Variants in GPC5 observed in about 807,000 individuals in gnomAD.
GPC5 encodes the protein glypican-5.
In GPC5, 47 loss-of-function variants were observed where a neutral mutation model predicts 53.9. That is an observed-to-expected ratio of 0.87 (90% confidence interval 0.69 to 1.11). The LOEUF (loss-of-function observed/expected upper bound fraction) is 1.11. Among genes scored for constraint, GPC5 ranks in the 50% most tolerant of loss-of-function variants. GPC5 has a pLI of 0.00. For synonymous variants in GPC5, 286 were observed against 263.3 expected (o/e 1.09, Z -0.84); for missense variants, 748 against 713.1 (o/e 1.05, Z -0.56).
Position 92,381,859 on chromosome 13 carries a change from T to TATATATA in GPC5, c.1561+236870_1561+236871insATATATA. On this transcript the variant is annotated intron_variant, in intron 7 of 7. Coordinates refer to ENST00000377067, the MANE Select transcript of GPC5 (RefSeq NM_004466.6). ...TTATATTGTATATGATCATATATGA[T>TATATATA]TATATATATCATATATATGATTATA... 2.2e-5 allele frequency among the ~76,000 whole-genome samples: 3 copies of TATATATA among 135,572 alleles called. No homozygotes were observed. In the South Asian group the frequency reaches 6.6e-4, roughly 30 times the overall value. 88.9% of individuals were successfully genotyped at this position (135,572 alleles called of 152,430 possible). A position where few individuals can be genotyped will look rare whatever the true frequency, so the allele number is the denominator to read the frequency against.
intron 6 of GPC5, among the ~76,000 whole-genome samples, chr13:92,054,850 A>C (rs2041061759): frequency 6.6e-6 from 1 of 152,172 alleles, no homozygotes; most frequent in Admixed American, 6.5e-5. Flanking sequence ...CCCCAGGATT[A>C]AAGGAAAATA....
intron 7 of GPC5, among the ~76,000 whole-genome samples, chr13:92,414,918 T>C (rs1257139950): frequency 1.3e-5 from 2 of 152,118 alleles, no homozygotes; most frequent in Non-Finnish European, 2.9e-5. Context: ...CCTTATCACA[T>C]TGGGGATTAA....
At chr13:92,039,532 T>G (rs1224904822) in intron 6 of GPC5, among the ~76,000 whole-genome samples, 1 of 152,170 alleles carries the variant, frequency 6.6e-6, no homozygotes, top group African/African-American at 2.4e-5. Context: ...TTCAAGAAAA[T>G]CTACTAAGTT....
intron 7 of GPC5, among the ~76,000 whole-genome samples, chr13:92,206,168 T>TG (rs2042334979): frequency 8.4e-5 from 1 of 11,956 alleles, no homozygotes; most frequent in African/African-American, 4.3e-4. Flanking sequence ...TTTTTTTTTA[T>TG]TTTTTTTTTT....
intron 7 of GPC5, among the ~76,000 whole-genome samples, chr13:92,205,997 G>A (rs1191229867): frequency 5.5e-5 from 7 of 128,128 alleles, no homozygotes; most frequent in South Asian, 2.6e-4. Flanking sequence ...AGCAGAGATC[G>A]CACCACTGCA....
intron 7 of GPC5, among the ~76,000 whole-genome samples, chr13:92,774,602 G>T (rs1354588184): frequency 6.6e-6 from 1 of 152,086 alleles, no homozygotes; most frequent in Non-Finnish European, 1.5e-5. Flanking sequence ...ATCACTAAAT[G>T]ATGCACTTTT....
chr13:92,013,778 A>T (rs577296745), intron 6 of GPC5, among the ~76,000 whole-genome samples: 6 of 152,248 alleles, frequency 3.9e-5, no homozygotes, highest in African/African-American at 1.4e-4. Context: ...TTTTTATTCA[A>T]ATATTTATCT....
chr13:92,504,598 T>C (rs769919084), intron 7 of GPC5, among the ~76,000 whole-genome samples: 4 of 151,980 alleles, frequency 2.6e-5, no homozygotes, highest in Non-Finnish European at 5.9e-5. Flanking sequence ...CAAAAAATTG[T>C]TTAGTAATCA....
At chr13:92,361,990 A>G (rs1254958898) in intron 7 of GPC5, among the ~76,000 whole-genome samples, 2 of 151,828 alleles carry the variant, frequency 1.3e-5, no homozygotes, top group African/African-American at 4.9e-5. Context: ...TCTTAGGCAC[A>G]TTTAAAAAAA....
chr13:91,950,351 C>T (rs2040016057), intron 6 of GPC5, among the ~76,000 whole-genome samples: 1 of 148,568 alleles, frequency 6.7e-6, no homozygotes, highest in African/African-American at 2.5e-5. Flanking sequence ...TCCCCTCCCT[C>T]CTCCTCCCTC....
chr13:91,817,743 TG>T (rs1332316853), intron 5 of GPC5, among the ~76,000 whole-genome samples: 1 of 152,196 alleles, frequency 6.6e-6, no homozygotes, highest in East Asian at 1.9e-4. Context: ...CCAATAGGAC[TG>T]TGGACTGGTT....
chr13:92,416,416 G>T (rs951923891), intron 7 of GPC5, among the ~76,000 whole-genome samples: 3 of 152,152 alleles, frequency 2.0e-5, no homozygotes, highest in Non-Finnish European at 4.4e-5. Context: ...GAGAATTGAT[G>T]CTTCAATTTG....
chr13:92,712,505 G>C (rs1888174817), intron 7 of GPC5, among the ~76,000 whole-genome samples: 1 of 151,156 alleles, frequency 6.6e-6, no homozygotes, highest in African/African-American at 2.4e-5. Context: ...AGCCAGTAAA[G>C]ACTTTGGCAC....
chr13:92,610,030 C>CAAAAA (rs56913637), intron 7 of GPC5, among the ~76,000 whole-genome samples: 23 of 70,802 alleles, frequency 3.2e-4, no homozygotes, highest in East Asian at 1.6e-3. Context: ...GACTCCATCT[C>CAAAAA]AAAAAAAAAA....
intron 7 of GPC5, among the ~76,000 whole-genome samples, chr13:92,768,629 A>G (rs1452078496): frequency 6.6e-6 from 1 of 152,036 alleles, no homozygotes; most frequent in Non-Finnish European, 1.5e-5. Flanking sequence ...CCCCATAGTC[A>G]GTTTCCCCTG....
chr13:92,359,013 A>T (rs2043545250), intron 7 of GPC5, among the ~76,000 whole-genome samples: 1 of 151,820 alleles, frequency 6.6e-6, no homozygotes, highest in Non-Finnish European at 1.5e-5. Flanking sequence ...CTTTTCTGCC[A>T]CATGGCTAGG....
At chr13:92,772,540 T>C (rs929280678) in intron 7 of GPC5, among the ~76,000 whole-genome samples, 4 of 152,196 alleles carry the variant, frequency 2.6e-5, no homozygotes, top group African/African-American at 7.2e-5. Context: ...CTTCCCTGAC[T>C]TTCTATCCCA....
intron 2 of GPC5, among the ~76,000 whole-genome samples, chr13:91,488,526 A>G (rs1883745629): frequency 6.6e-6 from 1 of 152,180 alleles, no homozygotes; most frequent in African/African-American, 2.4e-5. Context: ...ATACTTTTAT[A>G]ATTTCTTATG....
intron 2 of GPC5, among the ~76,000 whole-genome samples, chr13:91,496,936 A>G (rs1005616250): frequency 2.6e-5 from 4 of 152,136 alleles, no homozygotes; most frequent in African/African-American, 9.7e-5. Flanking sequence ...AAATAGAAAA[A>G]TTTATTTAAC....
Sources: gnomAD v4.1 joint callset for allele counts (sites outside exome capture counted in the v4.1 genomes callset) on GRCh38, gnomAD v4.1.1 for gene constraint, MANE v1.5 for transcripts, NCBI Gene and HGNC (gene_info 2026-07-23, HGNC 2026-07-21) for gene names.